The following USP6NL variants were observed in gnomAD, a reference collection of about 807,000 sequenced individuals.
The protein encoded by USP6NL is USP6 N-terminal-like protein.
In USP6NL, 26 loss-of-function variants were observed where a neutral mutation model predicts 61.9. That is an observed-to-expected ratio of 0.42 (90% CI 0.31 to 0.58). The LOEUF (loss-of-function observed/expected upper bound fraction) is 0.58, where lower values mean the gene tolerates loss of function less well. Among genes scored for constraint, USP6NL ranks in the 20% least tolerant of loss-of-function variants. The probability of loss-of-function intolerance (pLI) is 0.16; values close to 1 mark genes in which losing one functional copy is unlikely to be tolerated. For missense variants in USP6NL, 1,114 were observed against 1,034.3 expected (o/e 1.08, Z -1.06); for synonymous variants, 432 against 390.1 (o/e 1.11, Z -1.27).
chr10:11,563,898 T>C (rs1420805856), intron 2 of USP6NL: 1 of 152,172 alleles, frequency 6.6e-6, no homozygotes, highest in African/African-American at 2.4e-5. Flanking sequence ...CCATTCCAAA[T>C]TAGCATTTTG....
intron 2 of USP6NL, among the ~76,000 whole-genome samples, chr10:11,558,651 T>G (rs1460276684): frequency 6.6e-6 from 1 of 152,184 alleles, no homozygotes; most frequent in Non-Finnish European, 1.5e-5. Context: ...CTTGGCTCCT[T>G]AAAACCTCCA....
intron 2 of USP6NL, among the ~76,000 whole-genome samples, chr10:11,567,237 G>A (rs567650871): frequency 3.3e-4 from 50 of 152,068 alleles, no homozygotes; most frequent in Non-Finnish European, 5.4e-4. Context: ...CAAATTTAAT[G>A]GTTTAAACAA....
intron 6 of USP6NL, among the ~76,000 whole-genome samples, chr10:11,506,148 T>C (rs765469972): frequency 4.6e-5 from 7 of 152,196 alleles, no homozygotes; most frequent in Non-Finnish European, 8.8e-5. Flanking sequence ...TTCTAGGCAA[T>C]ATGCCTCCAT....
chr10:11,565,565 C>T (rs1335047226), intron 2 of USP6NL: 1 of 151,936 alleles, frequency 6.6e-6, no homozygotes, highest in Non-Finnish European at 1.5e-5. Flanking sequence ...TGGTGTCAAC[C>T]TAGGAGGCGG....
chr10:11,594,364 G>T (rs1838255086), intron 2 of USP6NL, among the ~76,000 whole-genome samples: 1 of 152,218 alleles, frequency 6.6e-6, no homozygotes. Flanking sequence ...AATACTGCCT[G>T]TGTAACCAAT....
At position 11,525,021 on chromosome 10, in the gene USP6NL, A is replaced by C. The variant is rs548906518; in HGVS notation, c.155+365T>G. Among the ~76,000 whole-genome samples the C allele has an allele frequency of 1.3e-5, 2 of 152,218 alleles. No individual in the cohort carries two copies. The highest frequency in any genetic ancestry group is 1.5e-5 in the Non-Finnish European group (1 of 68,018). ...TTTACAAGGCTAATTTTCAGGCTGCATAACACTAAAGTTCGAATTGCTATT... is the reference window on the plus strand; with the variant it reads ...TTTACAAGGCTAATTTTCAGGCTGCCTAACACTAAAGTTCGAATTGCTATT... On this transcript the variant is annotated intron_variant, in intron 4 of 14. Transcript: ENST00000609104. The surrounding 1 kb of genome is among the most constrained non-coding windows in gnomAD (Gnocchi z 5.0).
intron 2 of USP6NL, among the ~76,000 whole-genome samples, chr10:11,555,415 T>TAAAAAAAAA (rs558901276): frequency 1.3e-3 from 35 of 26,866 alleles, no homozygotes; most frequent in South Asian, 5.4e-3. Flanking sequence ...AACTCGGTCT[T>TAAAAAAAAA]AAAAAAAAAA....
chr10:11,558,783 T>C (rs140437594), intron 2 of USP6NL, among the ~76,000 whole-genome samples: 1 of 152,310 alleles, frequency 6.6e-6, no homozygotes, highest in African/African-American at 2.4e-5. Context: ...AACAGATCCA[T>C]CCCTCGTTTG....
chr10:11,534,657 T>G (rs1025878953), intron 2 of USP6NL, among the ~76,000 whole-genome samples: 2 of 152,174 alleles, frequency 1.3e-5, no homozygotes, highest in African/African-American at 4.8e-5. Flanking sequence ...TGACATGACG[T>G]AAAATACAAA....
rs1279706319 is a variant in USP6NL at position 11,481,499 on chromosome 10, T to C, written c.1078+271A>G. 2.0e-5 allele frequency among the ~76,000 whole-genome samples: 3 copies of C among 152,230 alleles called. No individual in the cohort carries two copies. The highest frequency in any genetic ancestry group is 4.8e-5 in the African/African-American group (2 of 41,456). Reference sequence around the variant, plus strand: ...GTTTAAAGCACCATGGCTACTTCTGTTGAACAACAGTATTTGCCAACCAAA... The same window carrying C: ...GTTTAAAGCACCATGGCTACTTCTGCTGAACAACAGTATTTGCCAACCAAA... On this transcript the variant is annotated intron_variant, in intron 14 of 14. Transcript: ENST00000609104. The surrounding 1 kb of genome is among the most constrained non-coding windows in gnomAD (Gnocchi z 4.4).
At chr10:11,526,465 A>C (rs1346084229) in intron 3 of USP6NL, among the ~76,000 whole-genome samples, 8 of 152,206 alleles carry the variant, frequency 5.3e-5, no homozygotes, top group African/African-American at 1.9e-4. Context: ...GGAATGAATG[A>C]GAGTGACACT....
chr10:11,534,039 C>G (rs1162454708), intron 2 of USP6NL, among the ~76,000 whole-genome samples: 1 of 152,176 alleles, frequency 6.6e-6, no homozygotes, highest in South Asian at 2.1e-4. Context: ...AGAATCCCCC[C>G]ACTCTCCATG....
Position 11,463,942 on chromosome 10 carries a change from C to T in USP6NL, c.1079-93G>A. 8.3e-7 allele frequency: 1 copy of T among 1,199,792 alleles called. No individual in the cohort carries two copies. The highest frequency in any genetic ancestry group is 1.1e-6 in the Non-Finnish European group (1 of 871,740). The allele number at this position is 1,199,792 out of a possible 1,614,324, so 74.3% of individuals were successfully genotyped here. On this transcript the variant is annotated intron_variant, in intron 14 of 14. Transcript: ENST00000609104. This position sits in a 1 kb window ranked among gnomAD's most constrained non-coding sequence, Gnocchi z 6.3. ...TTAGTAACAATGGCATGCTTTTCAT[C>T]TGTGCACAGATACACGCTGACATAC...
chr10:11,579,965 G>GGGGC (rs1566195849), intron 2 of USP6NL, among the ~76,000 whole-genome samples: 2 of 145,330 alleles, frequency 1.4e-5, no homozygotes, highest in East Asian at 4.3e-4. Flanking sequence ...GAGAGTGGCG[G>GGGGC]GGGGGGGGCA....
intron 2 of USP6NL, chr10:11,565,321 C>A (rs1000427534): frequency 1.3e-5 from 2 of 152,084 alleles, no homozygotes; most frequent in Non-Finnish European, 2.9e-5. Flanking sequence ...AAGCAAGAAA[C>A]CAAGATAAAA....
At position 11,532,045 on chromosome 10, in the gene USP6NL, T is replaced by A. The variant is rs1835682108; in HGVS notation, c.5-4478A>T. 1.5e-6 allele frequency: 1 copy of A among 673,816 alleles called. No individual in the cohort carries two copies. Among genetic ancestry groups the A allele is most frequent in the Non-Finnish European group, 2.5e-6 (1 of 405,934 alleles). The allele number at this position is 673,816 out of a possible 1,614,324, so 41.7% of individuals were successfully genotyped here. A position where few individuals can be genotyped will look rare whatever the true frequency, so the allele number is the denominator to read the frequency against. On this transcript the variant is annotated intron_variant, in intron 2 of 14. Transcript: ENST00000609104. The surrounding 1 kb of genome is among the most constrained non-coding windows in gnomAD (Gnocchi z 4.1). Reference sequence around the variant, plus strand: ...TCACTAAATTAGCACCAAACTGCAATGAAAAATTCATACAAAGTTACTAAG... The same window carrying A: ...TCACTAAATTAGCACCAAACTGCAAAGAAAAATTCATACAAAGTTACTAAG...
rs576813837 is a variant in USP6NL at position 11,472,454 on chromosome 10, G to A, written c.1079-8605C>T. Among the ~76,000 whole-genome samples the A allele has an allele frequency of 2.0e-4, 30 of 152,330 alleles. 1 individual carries two copies. The highest frequency in any genetic ancestry group is 3.9e-4 in the Admixed American group (6 of 15,306). ...GCAAAGCGCTCTAAGTGCTCGCTCT[G>A]TGAGCAGCATTCTACCTTTACACTT... On this transcript the variant is annotated intron_variant, in intron 14 of 14. Transcript: ENST00000609104.
At chr10:11,506,366 G>A (rs180870912) in intron 6 of USP6NL, among the ~76,000 whole-genome samples, 19 of 152,302 alleles carry the variant, frequency 1.2e-4, no homozygotes, top group African/African-American at 4.6e-4. Context: ...TACAGGCTGG[G>A]CACAGTGGCT....
chr10:11,532,559 C>T lies in USP6NL; in HGVS notation c.5-4992G>A, dbSNP rs141516556. 3.9e-3 allele frequency among the ~76,000 whole-genome samples: 592 copies of T among 152,282 alleles called. 2 individuals carry two copies. The highest frequency in any genetic ancestry group is 5.9e-3 in the Non-Finnish European group (400 of 68,014). ...CACCAGCCTACACCAGCATTCCATC[C>T]GCTAACAAACAGCGGCTTGAAAGAA... On this transcript the variant is annotated intron_variant, in intron 2 of 14. Transcript: ENST00000609104. The surrounding 1 kb of genome is among the most constrained non-coding windows in gnomAD (Gnocchi z 4.1).
Sources: allele counts gnomAD v4.1 joint callset (sites outside exome capture counted in the v4.1 genomes callset), GRCh38; gene constraint gnomAD v4.1.1; non-coding constraint Gnocchi (gnomAD v3.1); transcripts MANE v1.5; gene names NCBI Gene and HGNC (gene_info 2026-07-23, HGNC 2026-07-21).